MCM8: variants seen among roughly 807,000 people sequenced by gnomAD.
The protein encoded by MCM8 is DNA helicase MCM8.
In MCM8, 85 loss-of-function variants were observed where a neutral mutation model predicts 98.9. That is an observed-to-expected ratio of 0.86 (90% CI 0.72 to 1.03). The LOEUF (loss-of-function observed/expected upper bound fraction) is 1.03, where lower values mean the gene tolerates loss of function less well. Ranked by LOEUF, MCM8 falls within the 50% of genes least tolerant of loss-of-function variation. The pLI is 0.00. For missense variants in MCM8, 951 were observed against 997.8 expected (o/e 0.95, Z 0.63); for synonymous variants, 352 against 338.6 (o/e 1.04, Z -0.44).
chr20:5,952,806 G>A (rs1319014593), intron 3 of MCM8, among the ~76,000 whole-genome samples: 3 of 152,180 alleles, frequency 2.0e-5, no homozygotes, highest in African/African-American at 7.2e-5. Flanking sequence ...AAATATTGAG[G>A]TAACTCCCCA....
At chr20:5,991,287 T>G (rs758569742) in intron 17 of MCM8, 5 of 152,208 alleles carry the variant, frequency 3.3e-5, no homozygotes, top group Non-Finnish European at 7.3e-5. Context: ...TATGGTTGGT[T>G]ATACTTGGTA....
At chr20:5,987,208 T>A (rs2089751406) in intron 16 of MCM8, 74 bp from the exon 17 acceptor site, 2 of 1,407,484 alleles carry the variant, frequency 1.4e-6, no homozygotes, top group Non-Finnish European at 2.0e-6. Context: ...AACAAGTAAA[T>A]GAAGTAAAGC....
chr20:5,993,691 T>TA lies in MCM8; in HGVS notation c.2426_2427insA (p.Gln810SerfsTer4). ...CGGCAGATTGCCAAAGAACTAAACA[T>TA]TCAGGTATGTTAAACTAGTTAATCT... is the stretch of plus-strand genomic sequence containing the variant. On this transcript the variant is annotated frameshift_variant, in exon 18 of 19. Coordinates refer to ENST00000610722, the MANE Select transcript of MCM8 (RefSeq NM_032485.6). LOFTEE classifies it high-confidence loss of function. 6.3e-7 allele frequency: 1 copy of TA among 1,597,318 alleles called. No individual in the cohort carries two copies. The highest frequency in any genetic ancestry group is 2.2e-5 in the East Asian group (1 of 44,688).
chr20:5,977,856 T>C lies in MCM8; in HGVS notation c.1396-20T>C. 1 of 1,612,090 alleles carries C rather than the reference T, an allele frequency of 6.2e-7. No individual in the cohort carries two copies. Among genetic ancestry groups the C allele is most frequent in the Non-Finnish European group, 8.5e-7 (1 of 1,178,590 alleles). ...TCCCTTTTACTTTGGATGATTCTCT[T>C]AAACTTTTTGTTTCCTTAGGCAGCG... On this transcript the variant is annotated intron_variant, in intron 12 of 18. Coordinates refer to ENST00000610722, the MANE Select transcript of MCM8 (RefSeq NM_032485.6).
In MCM8 at chr20:5,974,672, C is replaced by T. The variant is rs137981977; in HGVS notation, c.1395+1476C>T. Among the ~76,000 whole-genome samples, 73 of 152,244 alleles carry T rather than the reference C, an allele frequency of 4.8e-4. 1 individual carries two copies. The highest frequency in any genetic ancestry group is 1.6e-3 in the African/African-American group (68 of 41,554). On this transcript the variant is annotated intron_variant, in intron 12 of 18. Transcript: ENST00000610722. ...TAGTGTCTATATGTGTACAACAGTC[C>T]ACAGATGATTCTAATATGCAGCCAG...
At chr20:5,954,544 T>A in intron 3 of MCM8, 64 bp from the exon 4 acceptor site, 2 of 907,648 alleles carry the variant, frequency 2.2e-6, no homozygotes, top group South Asian at 2.9e-5. Flanking sequence ...GCTGCTTTTG[T>A]CTCATGAAAA....
In MCM8 at chr20:5,983,135, A is replaced by G. The variant is rs764237577; in HGVS notation, c.1703A>G (p.Asn568Ser). ...GCAAATCCAGTTGGAGGACATTACA[A>G]TAAAGCCAAAACAGTTTCTGAGAAT... ...AAANPVGGHY[N>S]KAKTVSENLK... is the part of the protein sequence containing the mutation. Residue 568 changes from asparagine (N) to serine (S), a missense_variant, in exon 14 of 19, where the codon AAT (asparagine) becomes AGT (serine). Transcript: ENST00000610722. 1.2e-6 allele frequency: 2 copies of G among 1,613,368 alleles called. No homozygotes were observed. Among genetic ancestry groups the G allele is most frequent in the Admixed American group, 3.3e-5 (2 of 59,830 alleles).
chr20:5,965,949 G>T (rs540024517), intron 8 of MCM8, among the ~76,000 whole-genome samples: 1 of 151,864 alleles, frequency 6.6e-6, no homozygotes, highest in Non-Finnish European at 1.5e-5. Context: ...TTCATCCTGG[G>T]ATCTTGCTTC....
chr20:5,957,161 G>A lies in MCM8; in HGVS notation c.522G>A (p.Glu174=). ...AGGACCTTGAAAGGCATGCAGCTGA[G>A]TTACAAGCCCAGGAAGGATTGTCTA... ...LTKDLERHAA[E]LQAQEGLSND... Residue 174 remains glutamate (E), a synonymous_variant, in exon 6 of 19, where the codon GAG becomes GAA. Transcript: ENST00000610722. 6.2e-7 allele frequency: 1 copy of A among 1,613,778 alleles called. No individual in the cohort carries two copies. The highest frequency in any genetic ancestry group is 1.1e-5 in the South Asian group (1 of 91,064).
chr20:5,975,771 C>G (rs553929505), intron 12 of MCM8, among the ~76,000 whole-genome samples: 1 of 151,164 alleles, frequency 6.6e-6, no homozygotes, highest in Non-Finnish European at 1.5e-5. Flanking sequence ...GCTGGGATTA[C>G]AGGCATGAGC....
At chr20:5,966,319 T>C (rs992983524) in intron 8 of MCM8, among the ~76,000 whole-genome samples, 15 of 152,170 alleles carry the variant, frequency 9.9e-5, no homozygotes. Context: ...TCCTATCAGA[T>C]GCATTGCTTG....
intron 7 of MCM8, among the ~76,000 whole-genome samples, chr20:5,960,824 A>G (rs1197798260): frequency 6.6e-6 from 1 of 152,112 alleles, no homozygotes; most frequent in Non-Finnish European, 1.5e-5. Flanking sequence ...AATCCAAGCT[A>G]CTCGGGAGGC....
chr20:5,971,020 C>T (rs1156695836), intron 10 of MCM8, among the ~76,000 whole-genome samples: 1 of 151,930 alleles, frequency 6.6e-6, no homozygotes, highest in Non-Finnish European at 1.5e-5. Flanking sequence ...CACTTTGTTG[C>T]ACAGGCTAGT....
chr20:5,987,173 C>A, intron 16 of MCM8, 109 bp from the exon 17 acceptor site: 3 of 1,041,954 alleles, frequency 2.9e-6, no homozygotes, highest in Non-Finnish European at 4.2e-6. Flanking sequence ...TAACCTTCCT[C>A]GCCTAAAGGT....
intron 5 of MCM8, among the ~76,000 whole-genome samples, chr20:5,955,479 C>A (rs1320175417): frequency 6.6e-6 from 1 of 151,840 alleles, no homozygotes; most frequent in Non-Finnish European, 1.5e-5. Context: ...TATTTACCTC[C>A]AACTTATTTG....
chr20:5,964,399 G>A (rs2089229545), intron 8 of MCM8: 1 of 152,170 alleles, frequency 6.6e-6, no homozygotes, highest in African/African-American at 2.4e-5. Flanking sequence ...TTGTACTATA[G>A]TGAGATCTTT....
Position 5,994,519 on chromosome 20 carries a change from ACACAGT to A in MCM8, c.*131_*136del, listed in dbSNP as rs1458683708. 6.6e-6 allele frequency: 4 copies of A among 604,872 alleles called. No individual in the cohort carries two copies. The highest frequency in any genetic ancestry group is 1.2e-5 in the Non-Finnish European group (4 of 343,908). The allele number at this position is 604,872 out of a possible 1,614,324, so 37.5% of individuals were successfully genotyped here. A position where few individuals can be genotyped will look rare whatever the true frequency, so the allele number is the denominator to read the frequency against. ...CACACACACACACACACACACACAC[ACACAGT>A]CAAATACTGTTCTCTGAAAAATGAT... On this transcript the variant is annotated 3_prime_UTR_variant, in exon 19 of 19. Coordinates refer to ENST00000610722, the MANE Select transcript of MCM8 (RefSeq NM_032485.6).
intron 11 of MCM8, chr20:5,972,765 T>C: frequency 7.4e-7 from 1 of 1,345,630 alleles, no homozygotes; most frequent in Non-Finnish European, 9.7e-7. Context: ...ACACTGCCAG[T>C]ATTAAAGCAA....
chr20:5,971,716 C>A (rs941734262), intron 10 of MCM8, among the ~76,000 whole-genome samples: 1 of 152,150 alleles, frequency 6.6e-6, no homozygotes, highest in South Asian at 2.1e-4. Context: ...ATGATTGTGA[C>A]GCATTTTAAG....
Sources: allele counts gnomAD v4.1 joint callset (sites outside exome capture counted in the v4.1 genomes callset), GRCh38; gene constraint gnomAD v4.1.1; transcripts MANE v1.5; gene names NCBI Gene and HGNC (gene_info 2026-07-23, HGNC 2026-07-21).